The following CACNA1E variants were observed in gnomAD, a reference collection of about 807,000 sequenced individuals.
CACNA1E encodes the protein voltage-dependent R-type calcium channel subunit alpha-1E.
In CACNA1E, 40 loss-of-function variants were observed where a neutral mutation model predicts 259.2. The ratio of observed to expected loss-of-function variants is 0.15; its 90% CI spans 0.12 to 0.20. The LOEUF (loss-of-function observed/expected upper bound fraction) is 0.20. Among genes scored for constraint, CACNA1E ranks in the 10% least tolerant of loss-of-function variants. The probability of loss-of-function intolerance (pLI) is 1.00; values close to 1 mark genes in which losing one functional copy is unlikely to be tolerated. For synonymous variants in CACNA1E, 1,104 were observed against 1,138.5 expected, an observed-to-expected ratio of 0.97 and a Z score of 0.61; for missense variants, 1,874 against 3,040.1, an observed-to-expected ratio of 0.62 and a Z score of 9.02.
intron 28 of CACNA1E, 120 bp from the exon 29 acceptor site, chr1:181,755,836 C>G (rs1459682247): frequency 4.7e-6 from 5 of 1,061,390 alleles, no homozygotes; most frequent in Non-Finnish European, 6.7e-6. Flanking sequence ...TTCCTTTTGC[C>G]TTACACATGT....
At chr1:181,676,949 C>A (rs918023426) in intron 7 of CACNA1E, among the ~76,000 whole-genome samples, 3 of 152,086 alleles carry the variant, frequency 2.0e-5, no homozygotes, top group Non-Finnish European at 4.4e-5. Flanking sequence ...CTTTTTAGGC[C>A]TTTGTCATCA....
intron 1 of CACNA1E, among the ~76,000 whole-genome samples, chr1:181,504,895 A>G (rs1046070086): frequency 3.9e-5 from 6 of 152,224 alleles, no homozygotes; most frequent in African/African-American, 1.4e-4. Flanking sequence ...TTGGAGCAAC[A>G]CAGGTCCTCA....
chr1:181,797,003 T>C (rs1478317553), intron 47 of CACNA1E, 145 bp downstream of exon 47: 1 of 568,754 alleles, frequency 1.8e-6, no homozygotes, highest in Non-Finnish European at 3.1e-6. Flanking sequence ...CTATAGTGCA[T>C]AGAGGTTAGC....
At chr1:181,731,853 A>G (rs1655511397) in intron 19 of CACNA1E, among the ~76,000 whole-genome samples, 2 of 151,990 alleles carry the variant, frequency 1.3e-5, no homozygotes, top group Admixed American at 1.3e-4. Flanking sequence ...TTTGAGGGTG[A>G]TATCAAGACT....
At chr1:181,755,643 T>A (rs1310185274) in intron 28 of CACNA1E, among the ~76,000 whole-genome samples, 1 of 152,182 alleles carries the variant, frequency 6.6e-6, no homozygotes, top group Non-Finnish European at 1.5e-5. Flanking sequence ...CAAACCCCTA[T>A]AACCAGCTAT....
chr1:181,647,915 G>A (rs1658433113), intron 6 of CACNA1E, among the ~76,000 whole-genome samples: 1 of 152,180 alleles, frequency 6.6e-6, no homozygotes, highest in Admixed American at 6.5e-5. Context: ...GGTGGGGCAA[G>A]CCTATTAAAA....
chr1:181,532,568 C>A (rs1667865864), intron 3 of CACNA1E, among the ~76,000 whole-genome samples: 1 of 152,212 alleles, frequency 6.6e-6, no homozygotes. Flanking sequence ...GTTGGAGCTT[C>A]TTCCAGAAAA....
intron 7 of CACNA1E, among the ~76,000 whole-genome samples, chr1:181,707,887 T>C (rs1321997291): frequency 6.6e-6 from 1 of 152,086 alleles, no homozygotes; most frequent in African/African-American, 2.4e-5. Context: ...AAAGCTCACA[T>C]AGAAGGAGAG....
intron 6 of CACNA1E, among the ~76,000 whole-genome samples, chr1:181,648,721 A>T (rs983391393): frequency 2.0e-5 from 3 of 152,252 alleles, no homozygotes; most frequent in African/African-American, 7.2e-5. Context: ...ACCCAAGTGA[A>T]ATTGCTCTGA....
intron 3 of CACNA1E, among the ~76,000 whole-genome samples, chr1:181,565,644 T>G (rs1246167788): frequency 6.6e-6 from 1 of 152,232 alleles, no homozygotes; most frequent in Non-Finnish European, 1.5e-5. Flanking sequence ...GATGAAGTAT[T>G]GTTGTCAGAG....
chr1:181,322,780 T>C (rs1283158647), intron 1 of CACNA1E, among the ~76,000 whole-genome samples: 1 of 152,210 alleles, frequency 6.6e-6, no homozygotes, highest in African/African-American at 2.4e-5. Flanking sequence ...GGATGACAGT[T>C]GAAAAATAAA....
chr1:181,671,502 C>A lies in CACNA1E; in HGVS notation c.1055+20061C>A, dbSNP rs545373837. On this transcript the variant is annotated intron_variant, in intron 7 of 47. Transcript: ENST00000367573. ...AAGAAAATGAGCAGGCTTTGGATAG[C>A]AACTTTGATTCCTGTCTTAGAAAGA... Among the ~76,000 whole-genome samples, 144 of 152,290 alleles carry A rather than the reference C, an allele frequency of 9.5e-4. 1 individual carries two copies. Among genetic ancestry groups the A allele is most frequent in the African/African-American group, 3.4e-3 (142 of 41,546 alleles).
At chr1:181,530,110 G>C (rs1214154042) in intron 3 of CACNA1E, among the ~76,000 whole-genome samples, 1 of 152,216 alleles carries the variant, frequency 6.6e-6, no homozygotes, top group African/African-American at 2.4e-5. Flanking sequence ...ACGAGGGCTA[G>C]TCTTTGCTGT....
intron 36 of CACNA1E, chr1:181,771,732 G>C (rs146064979): frequency 7.0e-4 from 324 of 461,720 alleles, no homozygotes; most frequent in African/African-American, 5.5e-3. Context: ...GGTTTGGGAG[G>C]GGGGAATGTC....
Position 181,551,426 on chromosome 1 carries a change from G to A in CACNA1E, c.513-26340G>A, listed in dbSNP as rs547965903. 3.9e-5 allele frequency among the ~76,000 whole-genome samples: 6 copies of A among 152,338 alleles called. No homozygotes were observed. The East Asian group carries it at 1.2e-3, about 29-fold the overall frequency. ...AGGTCCTCAATGCAGGCTGCTTGGA[G>A]CCCAGGCTGCTGAAGCTTTTGACAG... On this transcript the variant is annotated intron_variant, in intron 3 of 47. Coordinates refer to ENST00000367573, the MANE Select transcript of CACNA1E (RefSeq NM_001205293.3).
intron 6 of CACNA1E, among the ~76,000 whole-genome samples, chr1:181,583,468 T>G (rs940043034): frequency 1.1e-4 from 16 of 152,332 alleles, no homozygotes; most frequent in Admixed American, 9.2e-4. Context: ...AGATTTATTG[T>G]TGTTAGTTAC....
intron 33 of CACNA1E, 46 bp from the exon 34 acceptor site, chr1:181,763,360 A>G (rs373543097): frequency 4.3e-5 from 65 of 1,497,226 alleles, no homozygotes; most frequent in Non-Finnish European, 5.6e-5. Context: ...GATTTTTCTA[A>G]ATCACCATAA....
intron 1 of CACNA1E, among the ~76,000 whole-genome samples, chr1:181,335,471 G>T (rs537296884): frequency 6.6e-6 from 1 of 152,322 alleles, no homozygotes; most frequent in South Asian, 2.1e-4. Flanking sequence ...AGACTCCTCT[G>T]GTTGCTGGCC....
intron 1 of CACNA1E, among the ~76,000 whole-genome samples, chr1:181,347,286 G>A (rs1475887904): frequency 2.0e-5 from 3 of 152,188 alleles, no homozygotes; most frequent in Non-Finnish European, 4.4e-5. Flanking sequence ...AAGCATGACT[G>A]TTCATGGAGG....
Sources: gnomAD v4.1 joint callset for allele counts (sites outside exome capture counted in the v4.1 genomes callset) on GRCh38, gnomAD v4.1.1 for gene constraint, MANE v1.5 for transcripts, NCBI Gene and HGNC (gene_info 2026-07-23, HGNC 2026-07-21) for gene names.